Variants in GLIS3 observed in about 807,000 individuals in gnomAD.
GLIS3 encodes the protein GLIS family zinc finger 3, also known as zinc finger protein GLIS3.
GLIS3 carries 53 observed loss-of-function variants against 78.6 expected under a neutral mutation model. The ratio of observed to expected loss-of-function variants is 0.67; its 90% CI spans 0.54 to 0.85. The LOEUF (loss-of-function observed/expected upper bound fraction) is 0.85, where lower values mean the gene tolerates loss of function less well. Among genes scored for constraint, GLIS3 ranks in the 40% least tolerant of loss-of-function variants. GLIS3 has a pLI of 0.00. For synonymous variants in GLIS3, 684 were observed against 509.9 expected, an observed-to-expected ratio of 1.34 and a Z score of -4.60; for missense variants, 1,703 against 1,231.1, an observed-to-expected ratio of 1.38 and a Z score of -5.74.
In GLIS3 at chr9:3,929,286, G is replaced by A. The variant is rs1252134849; in HGVS notation, c.1983+3074C>T. On this transcript the variant is annotated intron_variant, in intron 6 of 10. Coordinates refer to ENST00000381971, the MANE Select transcript of GLIS3 (RefSeq NM_001042413.2). ...GTGCAGGAATTATGCAAAGAGAAAAGTTACTCTTCTGCATGCAGTGAACCA... is the reference window on the plus strand; with the variant it reads ...GTGCAGGAATTATGCAAAGAGAAAAATTACTCTTCTGCATGCAGTGAACCA... Among the ~76,000 whole-genome samples, 5 of 152,292 alleles carry A rather than the reference G, an allele frequency of 3.3e-5. No individual in the cohort carries two copies. The East Asian group carries it at 9.7e-4, about 29-fold the overall frequency.
Position 3,905,867 on chromosome 9 carries a change from C to A in GLIS3, c.1984-7032G>T, listed in dbSNP as rs115487866. Among the ~76,000 whole-genome samples, 900 of 152,242 alleles carry A rather than the reference C, an allele frequency of 5.9e-3. 9 individuals are homozygous for A. Among genetic ancestry groups the A allele is most frequent in the African/African-American group, 0.02 (843 of 41,536 alleles). ...TCATTTTTTTGGTCCTCACTCCTTCCAGAGAGCTCAGTCATACTCTGTAGG... is the reference window on the plus strand; with the variant it reads ...TCATTTTTTTGGTCCTCACTCCTTCAAGAGAGCTCAGTCATACTCTGTAGG... On this transcript the variant is annotated intron_variant, in intron 6 of 10. Coordinates refer to ENST00000381971, the MANE Select transcript of GLIS3 (RefSeq NM_001042413.2).
At chr9:3,864,930 C>T (rs935891982) in intron 8 of GLIS3, among the ~76,000 whole-genome samples, 5 of 152,164 alleles carry the variant, frequency 3.3e-5, no homozygotes, top group African/African-American at 1.2e-4. Flanking sequence ...AAGAATTACT[C>T]TGCTGAACAT....
At chr9:3,866,339 G>A (rs1371534639) in intron 8 of GLIS3, among the ~76,000 whole-genome samples, 1 of 152,060 alleles carries the variant, frequency 6.6e-6, no homozygotes, top group Non-Finnish European at 1.5e-5. Flanking sequence ...AAAGAGTAAA[G>A]GGAGCCAGCT....
intron 4 of GLIS3, among the ~76,000 whole-genome samples, chr9:4,101,609 A>G (rs945769312): frequency 7.2e-5 from 11 of 152,194 alleles, no homozygotes; most frequent in African/African-American, 2.7e-4. Context: ...TAATACATGT[A>G]ACCACCAATA....
upstream of GLIS3, among the ~76,000 whole-genome samples, chr9:4,301,156 AAC>A (rs1432865876): frequency 0.037 from 5,574 of 152,262 alleles, 328 homozygotes; most frequent in African/African-American, 0.13. Context: ...ATATTAACAT[AAC>A]CAAAAGAAGC....
At chr9:3,835,931 CAT>C (rs1344847969) in intron 9 of GLIS3, among the ~76,000 whole-genome samples, 4 of 152,164 alleles carry the variant, frequency 2.6e-5, no homozygotes, top group Non-Finnish European at 5.9e-5. Context: ...GAAAGACAAA[CAT>C]ATAAATGAGA....
intron 8 of GLIS3, among the ~76,000 whole-genome samples, chr9:3,878,200 C>T (rs557956034): frequency 6.6e-6 from 1 of 152,016 alleles, no homozygotes; most frequent in Admixed American, 6.6e-5. Flanking sequence ...TTCCCTCACC[C>T]CCGAGACAGA....
At chr9:4,213,216 CCTTT>C (rs753765645) in intron 2 of GLIS3, among the ~76,000 whole-genome samples, 6 of 152,156 alleles carry the variant, frequency 3.9e-5, no homozygotes, top group African/African-American at 1.4e-4. Context: ...TATCCTCCTT[CCTTT>C]GTCTCCCTTA....
intron 2 of GLIS3, among the ~76,000 whole-genome samples, chr9:4,327,792 C>G (rs1316140986): frequency 6.6e-6 from 1 of 152,204 alleles, no homozygotes; most frequent in Non-Finnish European, 1.5e-5. Flanking sequence ...AAGTGTCTCC[C>G]TGGACCTGGG....
At chr9:4,239,813 G>C (rs1282229587) in intron 2 of GLIS3, among the ~76,000 whole-genome samples, 2 of 152,174 alleles carry the variant, frequency 1.3e-5, no homozygotes. Context: ...AAGAACTGTG[G>C]TTGATTTGTA....
intron 4 of GLIS3, among the ~76,000 whole-genome samples, chr9:3,981,310 C>T (rs906255865): frequency 1.3e-5 from 2 of 152,180 alleles, no homozygotes; most frequent in African/African-American, 4.8e-5. Flanking sequence ...CCTTAATAAG[C>T]TCACCCAATT....
At chr9:4,213,409 G>A (rs1309101062) in intron 2 of GLIS3, among the ~76,000 whole-genome samples, 2 of 152,094 alleles carry the variant, frequency 1.3e-5, no homozygotes, top group African/African-American at 4.8e-5. Context: ...GTATCCCCAT[G>A]TTGATTTTCT....
intron 4 of GLIS3, among the ~76,000 whole-genome samples, chr9:4,307,308 T>G (rs551710037): frequency 1.3e-5 from 2 of 152,316 alleles, no homozygotes; most frequent in South Asian, 4.1e-4. Flanking sequence ...ACATAATTTA[T>G]GTAAAATTTA....
chr9:4,147,657 C>G (rs1834331611), intron 2 of GLIS3: 1 of 135,606 alleles, frequency 7.4e-6, no homozygotes. Flanking sequence ...GAGTAAGAAA[C>G]AATGACTCCC....
the GLIS3 span, among the ~76,000 whole-genome samples, chr9:4,383,142 G>A: frequency 6.6e-6 from 1 of 152,238 alleles, no homozygotes; most frequent in Non-Finnish European, 1.5e-5. Context: ...AGCAAGAACT[G>A]AAACGAGTAG....
At chr9:4,224,683 C>T (rs957019959) in intron 2 of GLIS3, among the ~76,000 whole-genome samples, 3 of 151,592 alleles carry the variant, frequency 2.0e-5, no homozygotes, top group Non-Finnish European at 4.4e-5. Flanking sequence ...ACTTTCCCTT[C>T]TCCTATTCCC....
At chr9:4,435,277 T>C in the GLIS3 span, among the ~76,000 whole-genome samples, 1 of 152,198 alleles carries the variant, frequency 6.6e-6, no homozygotes, top group Non-Finnish European at 1.5e-5. Context: ...TTATAATGGA[T>C]TGTAAAATTG....
intron 4 of GLIS3, among the ~76,000 whole-genome samples, chr9:4,051,500 C>G (rs1033686229): frequency 6.6e-6 from 1 of 152,050 alleles, no homozygotes; most frequent in African/African-American, 2.4e-5. Context: ...TCTCCACCTC[C>G]TAATAACTAT....
At position 4,167,086 on chromosome 9, in the gene GLIS3, C is replaced by T. The variant is rs1477847257; in HGVS notation, c.389-41145G>A. Among the ~76,000 whole-genome samples the T allele has an allele frequency of 5.9e-5, 9 of 152,240 alleles. No individual in the cohort carries two copies. In the East Asian group the frequency reaches 1.3e-3, roughly 23 times the overall value. ...GAAGTAAAATCAGTTCATTTGGATC[C>T]GAAGGGATAAAGATCATGCCTAATT... is the stretch of plus-strand genomic sequence containing the variant. On this transcript the variant is annotated intron_variant, in intron 2 of 10. Coordinates refer to ENST00000381971, the MANE Select transcript of GLIS3 (RefSeq NM_001042413.2).
Sources: allele counts gnomAD v4.1 joint callset (sites outside exome capture counted in the v4.1 genomes callset), GRCh38; gene constraint gnomAD v4.1.1; transcripts MANE v1.5; gene names NCBI Gene and HGNC (gene_info 2026-07-23, HGNC 2026-07-21).